The following SLCO6A1 variants were observed in gnomAD, a reference collection of about 807,000 sequenced individuals.
SLCO6A1 encodes the protein cancer/testis antigen 48.
A neutral mutation model predicts 72.7 loss-of-function variants in SLCO6A1; 65 were observed. The observed-to-expected ratio is 0.89, with a 90% CI of 0.73 to 1.10. The LOEUF (loss-of-function observed/expected upper bound fraction) is 1.10, where lower values mean the gene tolerates loss of function less well. Among genes scored for constraint, SLCO6A1 ranks in the 50% least tolerant of loss-of-function variants. The pLI is 0.00. For missense variants in SLCO6A1, 874 were observed against 872.6 expected, an observed-to-expected ratio of 1.00 and a Z score of -0.02; for synonymous variants, 314 against 298.2, an observed-to-expected ratio of 1.05 and a Z score of -0.55.
intron 12 of SLCO6A1, among the ~76,000 whole-genome samples, chr5:102,374,527 T>G (rs1163847908): frequency 2.0e-5 from 3 of 152,130 alleles, no homozygotes; most frequent in African/African-American, 7.2e-5. Flanking sequence ...TGGCCTCAAG[T>G]GATCATCTCG....
chr5:102,421,215 C>T (rs2112617823), intron 7 of SLCO6A1, among the ~76,000 whole-genome samples: 1 of 152,118 alleles, frequency 6.6e-6, no homozygotes, highest in East Asian at 1.9e-4. Flanking sequence ...AATGAGCTAG[C>T]TGCAGGAGTT....
intron 10 of SLCO6A1, among the ~76,000 whole-genome samples, chr5:102,393,528 C>G (rs1420865001): frequency 6.6e-6 from 1 of 152,104 alleles, no homozygotes; most frequent in Non-Finnish European, 1.5e-5. Flanking sequence ...CTCCCCGAAT[C>G]CCCAGAATAA....
Position 102,419,919 on chromosome 5 carries a change from A to C in SLCO6A1, c.1379T>G (p.Val460Gly), listed in dbSNP as rs878935441. Residue 460 changes from valine (V) to glycine (G), a missense_variant, in exon 8 of 14, where the codon GTT (valine) becomes GGT (glycine). Coordinates refer to ENST00000506729, the MANE Select transcript of SLCO6A1 (RefSeq NM_173488.5). ...CAGTATAAGTGATATCACAGATGTA[A>C]CCATTATAAATCTCATAAGGGCTTT... ...SCKALMRFIM[V>G]TSVISLILLV... 4.3e-6 allele frequency: 7 copies of C among 1,609,286 alleles called. No homozygotes were observed. In the South Asian group the frequency reaches 6.7e-5, roughly 15 times the overall value.
At chr5:102,382,729 T>C (rs1746177339) in intron 12 of SLCO6A1, among the ~76,000 whole-genome samples, 1 of 151,482 alleles carries the variant, frequency 6.6e-6, no homozygotes, top group Non-Finnish European at 1.5e-5. Context: ...TCTGTCTATC[T>C]CTTTTTTGAC....
intron 6 of SLCO6A1, among the ~76,000 whole-genome samples, chr5:102,446,071 T>C (rs112418548): frequency 6.6e-6 from 1 of 152,098 alleles, no homozygotes; most frequent in African/African-American, 2.4e-5. Flanking sequence ...ATGTTCCAAA[T>C]GAATTCTAGA....
At chr5:102,395,356 C>A (rs1397321537) in intron 10 of SLCO6A1, among the ~76,000 whole-genome samples, 1 of 152,106 alleles carries the variant, frequency 6.6e-6, no homozygotes, top group Admixed American at 6.6e-5. Context: ...CATGTCCCTA[C>A]AAAGGACATG....
intron 13 of SLCO6A1, among the ~76,000 whole-genome samples, 167 bp from the exon 14 acceptor site, chr5:102,372,290 C>A (rs1750666017): frequency 6.6e-6 from 1 of 152,086 alleles, no homozygotes; most frequent in South Asian, 2.1e-4. Flanking sequence ...CTAGCCACGA[C>A]CATGAATAGG....
chr5:102,465,682 A>G (rs923258148), intron 4 of SLCO6A1, among the ~76,000 whole-genome samples: 2 of 152,142 alleles, frequency 1.3e-5, no homozygotes, highest in African/African-American at 4.8e-5. Flanking sequence ...TAGTAGTGAC[A>G]AGGTCTGAGT....
intron 6 of SLCO6A1, among the ~76,000 whole-genome samples, chr5:102,440,664 C>A (rs921223851): frequency 5.9e-5 from 9 of 152,136 alleles, no homozygotes; most frequent in African/African-American, 2.2e-4. Context: ...CTCTAGTTGA[C>A]CCCAAGTATA....
In SLCO6A1 at chr5:102,456,705, T is replaced by C. The variant is rs1180705352; in HGVS notation, c.1131+1677A>G. ...AGGTAATTTATAGATTCAATGCCAT[T>C]CCCATCAAGCTACCAATGACTTTCT... On this transcript the variant is annotated intron_variant, in intron 6 of 13. Transcript: ENST00000506729. Among the ~76,000 whole-genome samples the C allele has an allele frequency of 2.1e-4, 32 of 152,130 alleles. No individual in the cohort carries two copies. In the South Asian group the frequency reaches 2.5e-3, roughly 12 times the overall value.
intron 10 of SLCO6A1, among the ~76,000 whole-genome samples, chr5:102,394,239 C>A (rs72779947): frequency 6.6e-6 from 1 of 152,104 alleles, no homozygotes; most frequent in Non-Finnish European, 1.5e-5. Flanking sequence ...GAATGCTATC[C>A]CATTCCCTTG....
chr5:102,428,535 G>A (rs1749040046), intron 7 of SLCO6A1, among the ~76,000 whole-genome samples: 1 of 151,524 alleles, frequency 6.6e-6, no homozygotes, highest in African/African-American at 2.4e-5. Flanking sequence ...GGATACATAT[G>A]CAGGTTAGTT....
rs746868125 is a variant in SLCO6A1 at position 102,458,507 on chromosome 5, T to TA, written c.1022-17dup. ...CGTGTTGAACCTATATATAAACAAG[T>TA]AAAAAAACTTATGACATATTCAAAT... On this transcript the variant is annotated splice_polypyrimidine_tract_variant and intron_variant, in intron 5 of 13. Transcript: ENST00000506729. 22 of 1,564,864 alleles carry TA rather than the reference T, an allele frequency of 1.4e-5. 1 individual carries two copies. Among genetic ancestry groups the TA allele is most frequent in the African/African-American group, 2.7e-5 (2 of 72,976 alleles).
Position 102,412,991 on chromosome 5 carries a change from T to C in SLCO6A1, c.1625A>G (p.Lys542Arg), listed in dbSNP as rs773055557. ...CTYSKAQNQK[K>R]MYYNCSCIKE... ...ATAATAATTATAAAAAATAATTACC[T>C]TTTTTTGGTTTTGTGCTTTAGAATA... Residue 542 changes from lysine (K) to arginine (R), a missense_variant and splice_region_variant, in exon 9 of 14, where the codon AAG (lysine) becomes AGG (arginine). Lys to Arg is a conservative substitution (Grantham distance 26). Coordinates refer to ENST00000506729, the MANE Select transcript of SLCO6A1 (RefSeq NM_173488.5). 9 of 1,310,318 alleles carry C rather than the reference T, an allele frequency of 6.9e-6. No homozygotes were observed. The Admixed American group carries it at 1.2e-4, about 18-fold the overall frequency. The allele number at this position is 1,310,318 out of a possible 1,614,324, so 81.2% of individuals were successfully genotyped here. A position where few individuals can be genotyped will look rare whatever the true frequency, so the allele number is the denominator to read the frequency against.
intron 1 of SLCO6A1, among the ~76,000 whole-genome samples, chr5:102,491,590 G>A (rs1481846888): frequency 1.3e-5 from 2 of 152,252 alleles, no homozygotes; most frequent in Non-Finnish European, 2.9e-5. Flanking sequence ...GCTGGCCCAG[G>A]TGCTAAGCCC....
At chr5:102,437,631 T>C (rs931968522) in intron 7 of SLCO6A1, among the ~76,000 whole-genome samples, 25 of 152,128 alleles carry the variant, frequency 1.6e-4, no homozygotes, top group African/African-American at 6.0e-4. Flanking sequence ...TTTTGGCTTT[T>C]TGGATAATTT....
intron 6 of SLCO6A1, among the ~76,000 whole-genome samples, chr5:102,454,806 T>C (rs913082944): frequency 2.6e-5 from 4 of 151,670 alleles, no homozygotes; most frequent in African/African-American, 4.8e-5. Context: ...GGCTTCTGTA[T>C]AGTTAAAATA....
rs1266504693 is a variant in SLCO6A1, at chr5:102,477,722, G to C, written c.756C>G (p.Thr252=). 1.2e-6 allele frequency: 2 copies of C among 1,613,476 alleles called. No homozygotes were observed. Among genetic ancestry groups the C allele is most frequent in the Non-Finnish European group, 1.7e-6 (2 of 1,179,788 alleles). ...AGMPLYILGI[T]FIDENVATHS... is the part of the protein sequence containing the mutation. ...GTGTAGCAACATTCTCATCAATAAA[G>C]GTTATTCCAAGGATATAAAGAGGCA... Residue 252 remains threonine (T), a synonymous_variant, in exon 3 of 14, where the codon ACC becomes ACG. Coordinates refer to ENST00000506729, the MANE Select transcript of SLCO6A1 (RefSeq NM_173488.5).
intron 12 of SLCO6A1, among the ~76,000 whole-genome samples, chr5:102,379,513 T>C (rs182141903): frequency 1.3e-5 from 2 of 152,136 alleles, no homozygotes; most frequent in African/African-American, 4.8e-5. Flanking sequence ...AACCTTTTTG[T>C]TTGTTTAACC....
Sources: gnomAD v4.1 joint callset for allele counts (sites outside exome capture counted in the v4.1 genomes callset) on GRCh38, gnomAD v4.1.1 for gene constraint, MANE v1.5 for transcripts, NCBI Gene and HGNC (gene_info 2026-07-23, HGNC 2026-07-21) for gene names.